The following COQ5 variants were observed in gnomAD, a reference collection of about 807,000 sequenced individuals.
The protein encoded by COQ5 is coenzyme Q5, methyltransferase, also known as 2-methoxy-6-polyprenyl-1,4-benzoquinol methylase, mitochondrial.
A neutral mutation model predicts 40.5 loss-of-function variants in COQ5; 27 were observed. The observed-to-expected ratio is 0.67, with a 90% CI of 0.49 to 0.92. The LOEUF (loss-of-function observed/expected upper bound fraction) is 0.92. COQ5 is among the 40% of genes least tolerant of loss of function. The pLI, the probability that COQ5 is intolerant of heterozygous loss-of-function variation, is 0.00. For synonymous variants in COQ5, 141 were observed against 150.0 expected (o/e 0.94, Z 0.44); for missense variants, 409 against 406.4 (o/e 1.01, Z -0.06).
chr12:120,521,327 A>G (rs1869639206), intron 2 of COQ5, among the ~76,000 whole-genome samples: 1 of 149,950 alleles, frequency 6.7e-6, no homozygotes, highest in Admixed American at 6.7e-5. Flanking sequence ...GTGGCCACCC[A>G]AAGTGCTGGG....
rs1475513476 is a variant in COQ5 at position 120,521,071 on chromosome 12, T to TG, written c.352+1142_352+1143insC. Among the ~76,000 whole-genome samples the TG allele has an allele frequency of 1.1e-3, 164 of 149,088 alleles. 1 individual carries two copies. Among genetic ancestry groups the TG allele is most frequent in the Admixed American group, 1.8e-3 (27 of 14,894 alleles). On this transcript the variant is annotated intron_variant, in intron 2 of 6. Coordinates refer to ENST00000288532, the MANE Select transcript of COQ5 (RefSeq NM_032314.4). ...TTTCCTTTGTAATCCTGCGTTTTTT[T>TG]TTTTTTTTTTTTGAGACGGAATCTT...
At chr12:120,509,566 C>T (rs1361406019) in intron 4 of COQ5, among the ~76,000 whole-genome samples, 3 of 152,090 alleles carry the variant, frequency 2.0e-5, no homozygotes, top group Non-Finnish European at 4.4e-5. Context: ...AAGGCCAGAG[C>T]AAGACAAATC....
intron 1 of COQ5, 133 bp downstream of exon 1, chr12:120,528,807 A>C: frequency 2.8e-6 from 2 of 725,276 alleles, no homozygotes; most frequent in Non-Finnish European, 2.2e-6. Flanking sequence ...TCTGTCTCCA[A>C]AAAAAAAAAA....
rs927720569 is a variant in COQ5 at position 120,503,736 on chromosome 12, G to A, written c.*48C>T. On this transcript the variant is annotated 3_prime_UTR_variant, in exon 7 of 7. Coordinates refer to ENST00000288532, the MANE Select transcript of COQ5 (RefSeq NM_032314.4). ...TTTGCCAGATTATCCTTCAGTTCCA[G>A]GCTTTCAACAGGATATGACTGGTTC... The A allele has an allele frequency of 2.9e-6, 4 of 1,396,482 alleles. No homozygotes were observed. In the African/African-American group the frequency reaches 5.7e-5, roughly 20 times the overall value. The allele number at this position is 1,396,482 out of a possible 1,614,324, so 86.5% of individuals were successfully genotyped here.
intron 3 of COQ5, among the ~76,000 whole-genome samples, chr12:120,512,067 A>G (rs1334791253): frequency 6.6e-6 from 1 of 151,966 alleles, no homozygotes; most frequent in Non-Finnish European, 1.5e-5. Context: ...AAAATTAGCC[A>G]GACGTGGTGG....
At chr12:120,508,898 G>C (rs1034388177) in intron 4 of COQ5, among the ~76,000 whole-genome samples, 28 of 152,112 alleles carry the variant, frequency 1.8e-4, no homozygotes, top group African/African-American at 6.7e-4. Context: ...GGTGGCACAC[G>C]CCTGTAGTCC....
intron 2 of COQ5, among the ~76,000 whole-genome samples, chr12:120,519,023 C>T (rs922454155): frequency 6.6e-6 from 1 of 152,150 alleles, no homozygotes; most frequent in Non-Finnish European, 1.5e-5. Flanking sequence ...TGTTATACCA[C>T]GTGTTTTCTT....
chr12:120,507,182 G>C (rs748822383), intron 4 of COQ5, among the ~76,000 whole-genome samples: 1 of 152,142 alleles, frequency 6.6e-6, no homozygotes. Flanking sequence ...TGTTCAAACA[G>C]TTGTCAAAAG....
At chr12:120,516,518 C>G in intron 3 of COQ5, 49 bp downstream of exon 3, 1 of 1,414,688 alleles carries the variant, frequency 7.1e-7, no homozygotes. Flanking sequence ...CCACCTTATT[C>G]TATAAAGATA....
At chr12:120,524,720 G>T (rs956563914) in intron 1 of COQ5, among the ~76,000 whole-genome samples, 1 of 152,146 alleles carries the variant, frequency 6.6e-6, no homozygotes, top group African/African-American at 2.4e-5. Flanking sequence ...TTGAAAACAT[G>T]ACTCTCTTCT....
Position 120,504,032 on chromosome 12 carries a change from TGACCTCTCCCAG to T in COQ5, c.808_819del (p.Leu270_Val273del). 1 of 1,613,834 alleles carries T rather than the reference TGACCTCTCCCAG, an allele frequency of 6.2e-7. No homozygotes were observed. Among genetic ancestry groups the T allele is most frequent in the Non-Finnish European group, 8.5e-7 (1 of 1,179,730 alleles). On this transcript the variant is annotated inframe_deletion, in exon 6 of 7. Coordinates refer to ENST00000288532, the MANE Select transcript of COQ5 (RefSeq NM_032314.4). ...TGATAGGACTTCCAGTCTCCAGCGA[TGACCTCTCCCAG>T]GACAGGGATGACCTGGAAGCTATAT...
chr12:120,514,432 G>A lies in COQ5; in HGVS notation c.574+2135C>T, dbSNP rs192272786. Among the ~76,000 whole-genome samples the A allele has an allele frequency of 4.3e-3, 657 of 152,160 alleles. 3 individuals are homozygous for A. The highest frequency in any genetic ancestry group is 0.015 in the African/African-American group (623 of 41,504). The stretch of plus-strand genomic sequence containing the variant: ...TGTGGTCCCTGGCCAGCATGGAAGA[G>A]GGCAGAATAGCGGCTCTGAAAAGCT... On this transcript the variant is annotated intron_variant, in intron 3 of 6. Transcript: ENST00000288532.
intron 4 of COQ5, among the ~76,000 whole-genome samples, chr12:120,505,840 G>A (rs940702003): frequency 6.6e-6 from 1 of 150,796 alleles, no homozygotes; most frequent in African/African-American, 2.4e-5. Flanking sequence ...ACAGGTGTGA[G>A]CCACCGCACC....
intron 1 of COQ5, among the ~76,000 whole-genome samples, chr12:120,528,044 AT>A (rs1870044886): frequency 6.9e-6 from 1 of 144,796 alleles, no homozygotes; most frequent in African/African-American, 2.6e-5. Context: ...TCTACTGAAA[AT>A]ACAAAAATTA....
chr12:120,504,739 C>A, intron 5 of COQ5, 156 bp downstream of exon 5: 1 of 704,890 alleles, frequency 1.4e-6, no homozygotes. Context: ...TGGTTTGAGA[C>A]TCTTGTGGCC....
chr12:120,507,647 G>A (rs1311246140), intron 4 of COQ5, among the ~76,000 whole-genome samples: 3 of 149,950 alleles, frequency 2.0e-5, no homozygotes, highest in Non-Finnish European at 4.4e-5. Flanking sequence ...CAGCACTTTG[G>A]GAGGCCGAGG....
At chr12:120,507,587 A>G (rs1868938717) in intron 4 of COQ5, among the ~76,000 whole-genome samples, 1 of 146,128 alleles carries the variant, frequency 6.8e-6, no homozygotes, top group African/African-American at 2.5e-5. Context: ...CCCGGCCTCT[A>G]TTCAACTATT....
chr12:120,504,629 G>T (rs1049572728), intron 5 of COQ5: 1 of 439,482 alleles, frequency 2.3e-6, no homozygotes, highest in South Asian at 2.2e-5. Flanking sequence ...CCACTAATAA[G>T]TTCTGATAAC....
At chr12:120,523,371 C>T (rs1282002235) in intron 1 of COQ5, 10 of 352,818 alleles carry the variant, frequency 2.8e-5, no homozygotes, top group Non-Finnish European at 4.3e-5. Flanking sequence ...TCTTTGTGAT[C>T]GGGGTTTCTT....
Sources: gnomAD v4.1 joint callset for allele counts (sites outside exome capture counted in the v4.1 genomes callset) on GRCh38, gnomAD v4.1.1 for gene constraint, MANE v1.5 for transcripts, NCBI Gene and HGNC (gene_info 2026-07-23, HGNC 2026-07-21) for gene names.